Variants in PLEKHA6 observed in about 807,000 individuals in gnomAD.
The protein encoded by PLEKHA6 is pleckstrin homology domain containing A6.
Under a neutral mutation model 116.7 loss-of-function variants are expected in PLEKHA6, and 60 were observed. The ratio of observed to expected loss-of-function variants is 0.51; its 90% CI spans 0.42 to 0.64. The LOEUF is 0.64. PLEKHA6 is among the 30% of genes least tolerant of loss of function. The pLI is 0.00. For missense variants in PLEKHA6, 1,338 were observed against 1,422.7 expected (o/e 0.94, Z 0.96); for synonymous variants, 489 against 556.1 (o/e 0.88, Z 1.70).
intron 9 of PLEKHA6, among the ~76,000 whole-genome samples, chr1:204,256,361 T>C (rs1425399174): frequency 6.6e-6 from 1 of 151,832 alleles, no homozygotes; most frequent in African/African-American, 2.4e-5. Flanking sequence ...ATTCGGAAAA[T>C]TTTTTCTTCC....
intron 1 of PLEKHA6, among the ~76,000 whole-genome samples, chr1:204,350,251 G>C (rs2103359705): frequency 6.6e-6 from 1 of 152,306 alleles, no homozygotes; most frequent in East Asian, 1.9e-4. Flanking sequence ...AGCCAGGGAG[G>C]TCAAGGCTGC....
At position 204,247,476 on chromosome 1, in the gene PLEKHA6, G is replaced by T; in HGVS notation, c.1825-16C>A. ...TTGTCAGGGCCTACGGGGGAAAGAGGCGTTCACTGAGAAAGCCGCCATCAC... is the reference window on the plus strand; with the variant it reads ...TTGTCAGGGCCTACGGGGGAAAGAGTCGTTCACTGAGAAAGCCGCCATCAC... On this transcript the variant is annotated splice_polypyrimidine_tract_variant and intron_variant, in intron 12 of 22. Coordinates refer to ENST00000272203, the MANE Select transcript of PLEKHA6 (RefSeq NM_014935.5). The T allele has an allele frequency of 6.4e-7, 1 of 1,550,814 alleles. No individual in the cohort carries two copies. The highest frequency in any genetic ancestry group is 2.2e-5 in the East Asian group (1 of 44,448).
upstream of PLEKHA6, among the ~76,000 whole-genome samples, chr1:204,363,947 T>C (rs1261431544): frequency 1.3e-5 from 2 of 152,168 alleles, no homozygotes; most frequent in Admixed American, 6.5e-5. Flanking sequence ...TCCCAGTAAA[T>C]GACACCTTCA....
At chr1:204,333,584 T>C (rs1672536073) in intron 1 of PLEKHA6, among the ~76,000 whole-genome samples, 1 of 152,198 alleles carries the variant, frequency 6.6e-6, no homozygotes, top group Non-Finnish European at 1.5e-5. Context: ...TCAAAGGGGA[T>C]AGTGAATGAT....
At chr1:204,271,560 A>T (rs1320303426) in intron 3 of PLEKHA6, among the ~76,000 whole-genome samples, 2 of 152,158 alleles carry the variant, frequency 1.3e-5, no homozygotes, top group African/African-American at 4.8e-5. Context: ...TCTCAGTCCA[A>T]CACTTTCATA....
intron 1 of PLEKHA6, among the ~76,000 whole-genome samples, chr1:204,296,064 CGTG>C (rs1670250872): frequency 6.6e-6 from 1 of 152,120 alleles, no homozygotes; most frequent in South Asian, 2.1e-4. Context: ...GTGTCAGTGT[CGTG>C]GATGCAGCAA....
intron 1 of PLEKHA6, among the ~76,000 whole-genome samples, chr1:204,321,587 T>A (rs1672064898): frequency 6.6e-6 from 1 of 151,732 alleles, no homozygotes; most frequent in Non-Finnish European, 1.5e-5. Flanking sequence ...TCCCATACTT[T>A]AAGGTTCAAC....
At chr1:204,335,464 T>C (rs1183986785) in intron 1 of PLEKHA6, among the ~76,000 whole-genome samples, 1 of 152,064 alleles carries the variant, frequency 6.6e-6, no homozygotes, top group Non-Finnish European at 1.5e-5. Context: ...GAGGCTGCAC[T>C]TCAGGGCTAG....
chr1:204,225,297 G>C (rs1660190421), intron 21 of PLEKHA6, among the ~76,000 whole-genome samples: 1 of 152,178 alleles, frequency 6.6e-6, no homozygotes, highest in African/African-American at 2.4e-5. Context: ...TGAGCAAGAA[G>C]AGGTCATATG....
At chr1:204,341,585 G>T (rs542609200) in intron 1 of PLEKHA6, among the ~76,000 whole-genome samples, 1 of 152,286 alleles carries the variant, frequency 6.6e-6, no homozygotes, top group Admixed American at 6.5e-5. Flanking sequence ...GCACCACAGG[G>T]ATCTGTTCTT....
intron 1 of PLEKHA6, chr1:204,301,482 T>C (rs1340319790): frequency 1.0e-6 from 1 of 985,034 alleles, no homozygotes; most frequent in African/African-American, 1.8e-5. Flanking sequence ...GCCCACAGAG[T>C]CCAAACACGC....
chr1:204,367,353 C>G (rs1673682667), intron 3 of PLEKHA6, among the ~76,000 whole-genome samples: 1 of 152,200 alleles, frequency 6.6e-6, no homozygotes, highest in South Asian at 2.1e-4. Flanking sequence ...GCAAGAGTGA[C>G]CGGAGCTGGC....
intron 9 of PLEKHA6, among the ~76,000 whole-genome samples, chr1:204,254,055 G>A (rs1047440946): frequency 1.6e-4 from 24 of 152,322 alleles, no homozygotes; most frequent in Admixed American, 5.9e-4. Flanking sequence ...AATCACATGG[G>A]TGACAGGGAG....
intron 9 of PLEKHA6, among the ~76,000 whole-genome samples, 181 bp from the exon 10 acceptor site, chr1:204,250,795 C>G (rs532241434): frequency 6.6e-6 from 1 of 152,150 alleles, no homozygotes; most frequent in Admixed American, 6.5e-5. Flanking sequence ...TGGGATGGCC[C>G]GGCCTAACCC....
intron 1 of PLEKHA6, chr1:204,275,657 C>T: frequency 1.2e-5 from 12 of 977,830 alleles, no homozygotes; most frequent in Non-Finnish European, 1.5e-5. Context: ...AGGAGGCTCT[C>T]AGGGGAGATG....
chr1:204,317,667 G>A (rs779079072), intron 1 of PLEKHA6, among the ~76,000 whole-genome samples: 13 of 152,176 alleles, frequency 8.5e-5, no homozygotes, highest in Non-Finnish European at 1.3e-4. Flanking sequence ...TGGAATCATC[G>A]GTGGGTTGGG....
At chr1:204,293,453 C>T (rs4484981) in intron 1 of PLEKHA6, among the ~76,000 whole-genome samples, 149,555 of 152,314 alleles carry the variant, frequency 0.98, 73,426 homozygotes, top group East Asian at 1. Flanking sequence ...CTTATTTTAA[C>T]GCGATATTTT....
intron 9 of PLEKHA6, chr1:204,255,561 G>A (rs1665163389): frequency 1.4e-6 from 1 of 696,042 alleles, no homozygotes; most frequent in East Asian, 2.7e-5. Flanking sequence ...TGAGGAGGTG[G>A]GGAGGAGTGG....
At chr1:204,248,746 C>T (rs1330122706) in intron 12 of PLEKHA6, 75 bp downstream of exon 12, 3 of 1,407,194 alleles carry the variant, frequency 2.1e-6, no homozygotes, top group African/African-American at 2.8e-5. Context: ...ACTAGGACAG[C>T]ACAAGCTGGG....
Sources: gnomAD v4.1 joint callset for allele counts (sites outside exome capture counted in the v4.1 genomes callset) on GRCh38, gnomAD v4.1.1 for gene constraint, MANE v1.5 for transcripts, NCBI Gene and HGNC (gene_info 2026-07-23, HGNC 2026-07-21) for gene names.